The following KIAA1671 variants were observed in gnomAD, a reference collection of about 807,000 sequenced individuals.
The protein encoded by KIAA1671 is uncharacterized protein KIAA1671.
Under a neutral mutation model 131.2 loss-of-function variants are expected in KIAA1671, and 52 were observed. The observed-to-expected ratio is 0.40, with a 90% CI of 0.32 to 0.50. KIAA1671 has a LOEUF of 0.50. Among genes scored for constraint, KIAA1671 ranks in the 20% least tolerant of loss-of-function variants. KIAA1671 has a pLI of 0.73. For missense variants in KIAA1671, 2,360 were observed against 2,364.2 expected (o/e 1.00, Z 0.04); for synonymous variants, 1,003 against 961.6 (o/e 1.04, Z -0.80).
In KIAA1671 at chr22:25,194,908, G is replaced by A. The variant is rs1934776815; in HGVS notation, c.*2507G>A. The A allele has an allele frequency of 1.3e-5, 2 of 152,306 alleles. No homozygotes were observed. The highest frequency in any genetic ancestry group is 4.8e-5 in the African/African-American group (2 of 41,576). The allele number at this position is 152,306 out of a possible 1,614,324, so 9.4% of individuals were successfully genotyped here. A position where few individuals can be genotyped will look rare whatever the true frequency, so the allele number is the denominator to read the frequency against. ...AGCCTTTGCAGATAGCTGGGCAAATGGGTGATTTACTTATCCCCATTCTAA... is the reference window on the plus strand; with the variant it reads ...AGCCTTTGCAGATAGCTGGGCAAATAGGTGATTTACTTATCCCCATTCTAA... On this transcript the variant is annotated 3_prime_UTR_variant, in exon 13 of 13. Transcript: ENST00000358431.
At chr22:25,007,767 C>T (rs1014516482) in intron 1 of KIAA1671, among the ~76,000 whole-genome samples, 2 of 152,116 alleles carry the variant, frequency 1.3e-5, no homozygotes, top group Non-Finnish European at 2.9e-5. Flanking sequence ...CCTTGACTTG[C>T]ATGTAATTAA....
intron 9 of KIAA1671, chr22:25,179,340 T>C: frequency 6.3e-7 from 1 of 1,594,008 alleles, no homozygotes; most frequent in Admixed American, 1.7e-5. Context: ...CTGCTCCTTG[T>C]TCCTGCGCAC....
At chr22:25,036,326 C>T (rs1377899687) in intron 4 of KIAA1671, among the ~76,000 whole-genome samples, 2 of 151,926 alleles carry the variant, frequency 1.3e-5, no homozygotes, top group Non-Finnish European at 1.5e-5. Flanking sequence ...GTGATCCACC[C>T]GCCTCGGCCT....
At chr22:25,088,162 C>T (rs1191925450) in intron 6 of KIAA1671, among the ~76,000 whole-genome samples, 1 of 150,908 alleles carries the variant, frequency 6.6e-6, no homozygotes, top group Non-Finnish European at 1.5e-5. Flanking sequence ...GGCTGGAGTG[C>T]AGTGGTGCAG....
At chr22:25,105,826 G>GT (rs534955868) in intron 6 of KIAA1671, among the ~76,000 whole-genome samples, 6 of 151,838 alleles carry the variant, frequency 4.0e-5, no homozygotes, top group East Asian at 1.9e-4. Context: ...AGTTGGGGGG[G>GT]GGGGGTGCCA....
At chr22:25,050,313 ACTTT>A (rs1927467928) in intron 6 of KIAA1671, 1 of 152,146 alleles carries the variant, frequency 6.6e-6, no homozygotes, top group African/African-American at 2.4e-5. Flanking sequence ...TTCTTTTCGG[ACTTT>A]AGTTCCATGC....
intron 6 of KIAA1671, among the ~76,000 whole-genome samples, chr22:25,082,466 C>T (rs1259112426): frequency 6.6e-6 from 1 of 152,152 alleles, no homozygotes; most frequent in Non-Finnish European, 1.5e-5. Context: ...ACAATGTAAC[C>T]ATTTCAGTGG....
At chr22:25,096,632 T>A (rs1183722518) in intron 6 of KIAA1671, among the ~76,000 whole-genome samples, 2 of 152,238 alleles carry the variant, frequency 1.3e-5, no homozygotes, top group East Asian at 3.8e-4. Context: ...AAAACCCTAA[T>A]TGACATACAA....
At position 25,074,961 on chromosome 22, in the gene KIAA1671, C is replaced by G. The variant is rs182076766; in HGVS notation, c.4530+25597C>G. On this transcript the variant is annotated intron_variant, in intron 6 of 12. Coordinates refer to ENST00000358431, the MANE Select transcript of KIAA1671 (RefSeq NM_001145206.2). ...ACTATCATACTATTTTACGTAACAA[C>G]TTATTTTAGAATACTTGAGAAAAGT... 8.5e-5 allele frequency among the ~76,000 whole-genome samples: 13 copies of G among 152,260 alleles called. 1 individual carries two copies. Among genetic ancestry groups the G allele is most frequent in the Admixed American group, 4.6e-4 (7 of 15,286 alleles).
At chr22:25,112,536 G>A (rs1931421521) in intron 6 of KIAA1671, 2 of 397,214 alleles carry the variant, frequency 5.0e-6, no homozygotes, top group East Asian at 7.1e-5. Context: ...CCAGGGAGGG[G>A]GTCCCAGACA....
chr22:25,172,621 C>T (rs1472441208), intron 7 of KIAA1671, among the ~76,000 whole-genome samples: 1 of 152,234 alleles, frequency 6.6e-6, no homozygotes, highest in Non-Finnish European at 1.5e-5. Flanking sequence ...GAGGGTTTCC[C>T]ATGACCTGGA....
chr22:25,181,610 CA>C, intron 9 of KIAA1671, 88 bp from the exon 10 acceptor site: 1 of 1,481,166 alleles, frequency 6.8e-7, no homozygotes. Context: ...GTGAGCATTG[CA>C]TGAGATACTG....
At chr22:25,081,915 AC>A (rs1929427731) in intron 6 of KIAA1671, among the ~76,000 whole-genome samples, 1 of 152,000 alleles carries the variant, frequency 6.6e-6, no homozygotes, top group Non-Finnish European at 1.5e-5. Flanking sequence ...TGTAAAAATT[AC>A]CCCGCTGGGT....
At chr22:25,139,109 C>T (rs1601348870) in intron 6 of KIAA1671, among the ~76,000 whole-genome samples, 1 of 152,344 alleles carries the variant, frequency 6.6e-6, no homozygotes, top group African/African-American at 2.4e-5. Context: ...AATGGGTCTC[C>T]TGGGCATCTG....
intron 1 of KIAA1671, among the ~76,000 whole-genome samples, chr22:24,972,107 C>G (rs867673583): frequency 9.9e-5 from 15 of 152,186 alleles, no homozygotes; most frequent in African/African-American, 3.6e-4. Context: ...AGGATCATTG[C>G]AGAACATGAA....
chr22:25,186,022 T>C (rs1229814071), intron 11 of KIAA1671: 2 of 152,242 alleles, frequency 1.3e-5, no homozygotes, highest in Non-Finnish European at 2.9e-5. Context: ...GGGTAAGCTA[T>C]GGCCCACAGG....
chr22:25,161,835 G>A (rs917929270), intron 6 of KIAA1671, among the ~76,000 whole-genome samples: 17 of 152,158 alleles, frequency 1.1e-4, no homozygotes, highest in Admixed American at 5.9e-4. Flanking sequence ...CCAGAGCACT[G>A]GCCAGGGAGT....
At chr22:25,112,762 A>G (rs1476329632) in intron 6 of KIAA1671, 4 of 181,768 alleles carry the variant, frequency 2.2e-5, no homozygotes, top group Admixed American at 1.2e-4. Context: ...GAACACCCCA[A>G]CCCCCGACAC....
At chr22:25,094,038 TAG>T (rs1287575934) in intron 6 of KIAA1671, among the ~76,000 whole-genome samples, 1 of 151,936 alleles carries the variant, frequency 6.6e-6, no homozygotes, top group Non-Finnish European at 1.5e-5. Context: ...GAGGACTGTA[TAG>T]GTGTCCACAT....
Sources: allele counts gnomAD v4.1 joint callset (sites outside exome capture counted in the v4.1 genomes callset), GRCh38; gene constraint gnomAD v4.1.1; transcripts MANE v1.5; gene names NCBI Gene and HGNC (gene_info 2026-07-23, HGNC 2026-07-21).